The following WLS variants were observed in gnomAD, a reference collection of about 807,000 sequenced individuals.
WLS encodes protein wntless homolog.
Under a neutral mutation model 62.8 loss-of-function variants are expected in WLS, and 23 were observed. The observed-to-expected ratio is 0.37, with a 90% CI of 0.26 to 0.52. The LOEUF (loss-of-function observed/expected upper bound fraction) is 0.52, where lower values mean the gene tolerates loss of function less well. WLS is among the 20% of genes least tolerant of loss of function. The probability of loss-of-function intolerance (pLI) is 0.92; values close to 1 mark genes in which losing one functional copy is unlikely to be tolerated. For missense variants in WLS, 615 were observed against 697.3 expected (o/e 0.88, Z 1.33); for synonymous variants, 246 against 244.1 (o/e 1.01, Z -0.07).
At chr1:68,107,045 G>A (rs1379582365) in intron 11 of WLS, among the ~76,000 whole-genome samples, 1 of 152,102 alleles carries the variant, frequency 6.6e-6, no homozygotes, top group African/African-American at 2.4e-5. Flanking sequence ...TAAAGAAAAT[G>A]ATCAAAATAA....
chr1:68,216,167 T>G (rs890565212), intron 1 of WLS, among the ~76,000 whole-genome samples: 1 of 152,236 alleles, frequency 6.6e-6, no homozygotes, highest in Admixed American at 6.5e-5. Context: ...TTTTTAAAAC[T>G]ACTCTTTTTT....
chr1:68,111,481 A>G (rs1011125610), intron 11 of WLS, among the ~76,000 whole-genome samples: 2 of 152,140 alleles, frequency 1.3e-5, no homozygotes, highest in Non-Finnish European at 2.9e-5. Flanking sequence ...TTTGGATTCA[A>G]CCTTTCCAAT....
chr1:68,204,458 C>T (rs976280962), intron 1 of WLS, among the ~76,000 whole-genome samples: 6 of 151,954 alleles, frequency 3.9e-5, no homozygotes, highest in African/African-American at 7.2e-5. Context: ...TAGCTGGGAC[C>T]ACAGGCGCCC....
At chr1:68,132,585 G>A (rs370907667) in intron 11 of WLS, among the ~76,000 whole-genome samples, 22 of 152,142 alleles carry the variant, frequency 1.4e-4, no homozygotes, top group African/African-American at 3.6e-4. Context: ...GCCAAGACGC[G>A]GAACCAGTGT....
chr1:68,149,328 G>A (rs185811380), intron 6 of WLS, among the ~76,000 whole-genome samples: 50 of 152,190 alleles, frequency 3.3e-4, no homozygotes, highest in African/African-American at 9.4e-4. Flanking sequence ...CCACTCCCCC[G>A]CCCTGCTGCT....
chr1:68,126,165 C>A lies in WLS; in HGVS notation c.*61G>T. 1 of 1,600,150 alleles carries A rather than the reference C, an allele frequency of 6.2e-7. No individual in the cohort carries two copies. Among genetic ancestry groups the A allele is most frequent in the Non-Finnish European group, 8.5e-7 (1 of 1,173,256 alleles). On this transcript the variant is annotated 3_prime_UTR_variant, in exon 12 of 12. Transcript: ENST00000262348. Reference sequence around the variant, plus strand: ...ACATTGAGCTCTCTCTGGCATGCTCCCCACTCTAGTTAGAGGGGCTGGGGT... The same window carrying A: ...ACATTGAGCTCTCTCTGGCATGCTCACCACTCTAGTTAGAGGGGCTGGGGT...
At chr1:68,184,730 A>C (rs1173016180) in intron 2 of WLS, among the ~76,000 whole-genome samples, 1 of 152,224 alleles carries the variant, frequency 6.6e-6, no homozygotes, top group African/African-American at 2.4e-5. Flanking sequence ...TTTAGCAAAA[A>C]GCCAGCACTG....
At chr1:68,175,838 T>C (rs1016588785) in intron 2 of WLS, among the ~76,000 whole-genome samples, 3 of 152,154 alleles carry the variant, frequency 2.0e-5, no homozygotes, top group African/African-American at 7.2e-5. Context: ...GAAAAGTAGA[T>C]TTCAACAATG....
chr1:68,162,441 G>A (rs1646991543), intron 2 of WLS: 1 of 1,613,732 alleles, frequency 6.2e-7, no homozygotes, highest in Admixed American at 1.7e-5. Flanking sequence ...GGGATCGCTC[G>A]ATCCCATCCT....
chr1:68,153,554 T>C lies in WLS; in HGVS notation c.766A>G (p.Ile256Val). Reference sequence around the variant, plus strand: ...ACTGGGGGTCGGGACATCATGGTGATCCTCCTCCAATACCACACCATAATG... The same window carrying C: ...ACTGGGGGTCGGGACATCATGGTGACCCTCCTCCAATACCACACCATAATG... ...FIIMVWYWRR[I>V]TMMSRPPVLL... Residue 256 changes from isoleucine to valine, a missense_variant, in exon 5 of 12, where the codon ATC becomes GTC. By Grantham distance (29) the Ile-to-Val change is conservative. Transcript: ENST00000262348. 1 of 1,614,110 alleles carries C rather than the reference T, an allele frequency of 6.2e-7. No homozygotes were observed. Among genetic ancestry groups the C allele is most frequent in the Non-Finnish European group, 8.5e-7 (1 of 1,180,014 alleles).
intron 2 of WLS, among the ~76,000 whole-genome samples, chr1:68,188,657 T>C (rs1648109832): frequency 6.6e-6 from 1 of 152,134 alleles, no homozygotes; most frequent in Admixed American, 6.5e-5. Flanking sequence ...AATGAGTAGG[T>C]TTATCTGGGA....
chr1:68,186,962 C>T (rs956148510), intron 2 of WLS, among the ~76,000 whole-genome samples: 4 of 151,666 alleles, frequency 2.6e-5, no homozygotes, highest in East Asian at 1.9e-4. Context: ...CTGTAATCCC[C>T]GCATTTTGGG....
chr1:68,137,702 G>C (rs1227037719), intron 11 of WLS, 78 bp downstream of exon 11: 4 of 1,503,818 alleles, frequency 2.7e-6, no homozygotes, highest in Non-Finnish European at 3.6e-6. Flanking sequence ...GCATCTCAGA[G>C]CTTTAGCCAT....
intron 11 of WLS, among the ~76,000 whole-genome samples, chr1:68,102,122 T>C (rs569582459): frequency 6.6e-6 from 1 of 152,280 alleles, no homozygotes; most frequent in East Asian, 1.9e-4. Context: ...GCCAGCTATA[T>C]GCCTTTGGTA....
intron 8 of WLS, among the ~76,000 whole-genome samples, chr1:68,147,519 T>G (rs76161490): frequency 0.053 from 8,085 of 152,254 alleles, 233 homozygotes; most frequent in Middle Eastern, 0.11. Flanking sequence ...TCTCCCAAGA[T>G]CATTTCACAT....
At chr1:68,140,589 T>C (rs1439955736) in intron 10 of WLS, among the ~76,000 whole-genome samples, 3 of 152,258 alleles carry the variant, frequency 2.0e-5, no homozygotes, top group East Asian at 3.9e-4. Flanking sequence ...TGACAGGAAA[T>C]ATCAGACTCA....
intron 1 of WLS, among the ~76,000 whole-genome samples, chr1:68,209,791 A>G (rs1253940498): frequency 1.3e-5 from 2 of 152,182 alleles, no homozygotes; most frequent in African/African-American, 2.4e-5. Context: ...CAAAAAAAAA[A>G]AAGAAGTGGT....
At chr1:68,207,485 A>G (rs1649328220) in intron 1 of WLS, among the ~76,000 whole-genome samples, 1 of 152,244 alleles carries the variant, frequency 6.6e-6, no homozygotes, top group Non-Finnish European at 1.5e-5. Context: ...TTTCATTTAA[A>G]CGGCTGGGTT....
At chr1:68,207,161 T>A (rs939680099) in intron 1 of WLS, among the ~76,000 whole-genome samples, 5 of 152,194 alleles carry the variant, frequency 3.3e-5, no homozygotes, top group Non-Finnish European at 7.3e-5. Flanking sequence ...TATACCCCCA[T>A]AATTTATAAT....
Sources: gnomAD v4.1 joint callset for allele counts (sites outside exome capture counted in the v4.1 genomes callset) on GRCh38, gnomAD v4.1.1 for gene constraint, MANE v1.5 for transcripts, NCBI Gene and HGNC (gene_info 2026-07-23, HGNC 2026-07-21) for gene names.